PLBD2: variants seen among roughly 807,000 people sequenced by gnomAD.
The protein encoded by PLBD2 is phospholipase B domain containing 2, also known as putative aminopeptidase PLBD2.
A neutral mutation model predicts 68.3 loss-of-function variants in PLBD2; 51 were observed. That is an observed-to-expected ratio of 0.75 (90% CI 0.60 to 0.94). The LOEUF is 0.94. PLBD2 is among the 40% of genes least tolerant of loss of function. PLBD2 has a pLI of 0.00. For synonymous variants in PLBD2, 314 were observed against 339.3 expected (o/e 0.93, Z 0.82); for missense variants, 729 against 792.2 (o/e 0.92, Z 0.96).
chr12:113,385,344 C>T, intron 9 of PLBD2, 61 bp downstream of exon 9: 1 of 1,443,468 alleles, frequency 6.9e-7, no homozygotes, highest in Non-Finnish European at 9.7e-7. Flanking sequence ...ACTCCTTGCC[C>T]AGCTCCTTCC....
Position 113,384,174 on chromosome 12 carries a change from G to A in PLBD2, c.1027G>A (p.Val343Met). 1.2e-6 allele frequency: 2 copies of A among 1,614,030 alleles called. No individual in the cohort carries two copies. The highest frequency in any genetic ancestry group is 1.1e-5 in the South Asian group (1 of 91,066). Residue 343 changes from valine to methionine, a missense_variant, in exon 7 of 12, where the codon GTG (valine) becomes ATG (methionine). Transcript: ENST00000280800. The surrounding 1 kb of genome is among the most constrained non-coding windows in gnomAD (Gnocchi z 4.2). ...LWKYVRPRGC[V>M]LEWVRNIVAN... ...GAAGTATGTGCGGCCCAGGGGCTGT[G>A]TGCTGGAGTGGGTACGCAACATCGT...
At chr12:113,365,325 A>ATT (rs760494446) in intron 1 of PLBD2, among the ~76,000 whole-genome samples, 4 of 145,036 alleles carry the variant, frequency 2.8e-5, no homozygotes, top group Admixed American at 6.9e-5. Flanking sequence ...TGTTGGAAGA[A>ATT]TTTTTTTTTT....
At chr12:113,369,087 T>C in intron 1 of PLBD2, 29 bp from the exon 2 acceptor site, 1 of 1,527,278 alleles carries the variant, frequency 6.5e-7, no homozygotes, top group East Asian at 2.4e-5. Context: ...CCTCTGCTGC[T>C]GACTGAGTGT....
chr12:113,368,616 T>C (rs1018810405), intron 1 of PLBD2, among the ~76,000 whole-genome samples: 8 of 152,060 alleles, frequency 5.3e-5, no homozygotes, highest in South Asian at 4.1e-4. Flanking sequence ...TACTTGGCCA[T>C]TGGTGGAGGA....
intron 5 of PLBD2, among the ~76,000 whole-genome samples, chr12:113,379,897 C>G (rs1957470524): frequency 6.6e-6 from 1 of 152,038 alleles, no homozygotes. Flanking sequence ...ACACATATAC[C>G]CACGCACACA....
chr12:113,364,505 A>G (rs1289294577), intron 1 of PLBD2, among the ~76,000 whole-genome samples: 3 of 149,232 alleles, frequency 2.0e-5, no homozygotes, highest in East Asian at 2.0e-4. Context: ...ATCTTGCTCT[A>G]TTGTCTGGAC....
At chr12:113,381,897 C>T (rs1957494609) in intron 6 of PLBD2, among the ~76,000 whole-genome samples, 1 of 152,178 alleles carries the variant, frequency 6.6e-6, no homozygotes, top group Admixed American at 6.5e-5. Flanking sequence ...TCGTGGCTCA[C>T]TGCAACCTCC....
In PLBD2 at chr12:113,375,022, G is replaced by T. The variant is rs760960784; in HGVS notation, c.859+15G>T. Reference sequence around the variant, plus strand: ...AGGCCCCTGGGGTAGGTGGGTGTGGGTGTGTCTGGGGGATGAGCAGGTGGG... The same window carrying T: ...AGGCCCCTGGGGTAGGTGGGTGTGGTTGTGTCTGGGGGATGAGCAGGTGGG... On this transcript the variant is annotated intron_variant, in intron 5 of 11. Coordinates refer to ENST00000280800, the MANE Select transcript of PLBD2 (RefSeq NM_173542.4). 9 of 1,612,990 alleles carry T rather than the reference G, an allele frequency of 5.6e-6. No individual in the cohort carries two copies. The highest frequency in any genetic ancestry group is 5.9e-6 in the Non-Finnish European group (7 of 1,179,292).
rs111293268 is a variant in PLBD2, at chr12:113,372,154, G to T, written c.385-495G>T. 7.2e-5 allele frequency among the ~76,000 whole-genome samples: 11 copies of T among 152,002 alleles called. 1 individual carries two copies. The highest frequency in any genetic ancestry group is 2.7e-4 in the African/African-American group (11 of 41,466). The stretch of plus-strand genomic sequence containing the variant: ...CTCACGGGGATGACCAGGCTACGTG[G>T]TCTTTTGTCCCCCAGCAGGCGAGCC... On this transcript the variant is annotated intron_variant, in intron 2 of 11. Transcript: ENST00000280800. The surrounding 1 kb of genome is among the most constrained non-coding windows in gnomAD (Gnocchi z 4.2).
chr12:113,369,556 T>C (rs1957370977), intron 2 of PLBD2, among the ~76,000 whole-genome samples: 1 of 152,122 alleles, frequency 6.6e-6, no homozygotes, highest in Non-Finnish European at 1.5e-5. Flanking sequence ...GATGAATGGA[T>C]ACATACAACG....
chr12:113,378,161 G>A (rs554200501), intron 5 of PLBD2, among the ~76,000 whole-genome samples: 117 of 152,202 alleles, frequency 7.7e-4, no homozygotes, highest in African/African-American at 2.6e-3. Flanking sequence ...GCGTGGTGGC[G>A]CACACCTGTA....
At chr12:113,368,887 G>A (rs1442543469) in intron 1 of PLBD2, among the ~76,000 whole-genome samples, 1 of 152,132 alleles carries the variant, frequency 6.6e-6, no homozygotes, top group African/African-American at 2.4e-5. Context: ...CTGCATTTTT[G>A]GGGGAGGCTG....
In PLBD2 at chr12:113,388,741, C is replaced by A. The variant is rs573683164; in HGVS notation, c.*115C>A. On this transcript the variant is annotated 3_prime_UTR_variant, in exon 12 of 12. Transcript: ENST00000280800. ...CCTCCTGGGGGCTTCGTTCTCTGATCTGGGGTCTGAGTCATCTCCTCCTAG... is the reference window on the plus strand; with the variant it reads ...CCTCCTGGGGGCTTCGTTCTCTGATATGGGGTCTGAGTCATCTCCTCCTAG... The A allele has an allele frequency of 2.6e-5, 31 of 1,194,378 alleles. No homozygotes were observed. The South Asian group carries it at 4.5e-4, about 17-fold the overall frequency. 74.0% of individuals were successfully genotyped at this position (1,194,378 alleles called of 1,614,324 possible).
At position 113,372,353 on chromosome 12, in the gene PLBD2, T is replaced by C. The variant is rs1275285591; in HGVS notation, c.385-296T>C. Among the ~76,000 whole-genome samples the C allele has an allele frequency of 6.6e-6, 1 of 151,892 alleles. No individual in the cohort carries two copies. Among genetic ancestry groups the C allele is most frequent in the East Asian group, 1.9e-4 (1 of 5,174 alleles). ...ATAATAGGTGCTCAAAAAAAAAACA[T>C]TCATGGATTGACTAACTGAACACAC... On this transcript the variant is annotated intron_variant, in intron 2 of 11. Transcript: ENST00000280800. The surrounding 1 kb of genome is among the most constrained non-coding windows in gnomAD (Gnocchi z 4.2).
At chr12:113,374,257 G>A (rs1373877828) in intron 3 of PLBD2, among the ~76,000 whole-genome samples, 1 of 152,184 alleles carries the variant, frequency 6.6e-6, no homozygotes, top group Non-Finnish European at 1.5e-5. Flanking sequence ...TTAACACAGG[G>A]CAGAGACATA....
At chr12:113,363,177 G>A (rs1053324255) in intron 1 of PLBD2, among the ~76,000 whole-genome samples, 2 of 151,786 alleles carry the variant, frequency 1.3e-5, no homozygotes, top group Non-Finnish European at 2.9e-5. Flanking sequence ...GCTTGTGCCT[G>A]TAATGCCAGC....
chr12:113,378,377 T>G (rs1565862278), intron 5 of PLBD2, among the ~76,000 whole-genome samples: 1 of 152,182 alleles, frequency 6.6e-6, no homozygotes, highest in Non-Finnish European at 1.5e-5. Flanking sequence ...CAGAATAGTT[T>G]CACTGCTCTA....
intron 1 of PLBD2, among the ~76,000 whole-genome samples, chr12:113,361,142 CTG>C (rs941763563): frequency 6.6e-6 from 1 of 151,872 alleles, no homozygotes; most frequent in African/African-American, 2.4e-5. Context: ...AATCTCTGAT[CTG>C]TGGGGGACTC....
At chr12:113,374,119 C>T (rs1237164226) in intron 3 of PLBD2, among the ~76,000 whole-genome samples, 1 of 152,048 alleles carries the variant, frequency 6.6e-6, no homozygotes, top group Non-Finnish European at 1.5e-5. Context: ...GAGACAGGTG[C>T]CCGAGGCAGC....
Sources: gnomAD v4.1 joint callset for allele counts (sites outside exome capture counted in the v4.1 genomes callset) on GRCh38, gnomAD v4.1.1 for gene constraint, Gnocchi (gnomAD v3.1) non-coding constraint, MANE v1.5 for transcripts, NCBI Gene and HGNC (gene_info 2026-07-23, HGNC 2026-07-21) for gene names.